CSMD3: variants seen among roughly 807,000 people sequenced by gnomAD.
The protein encoded by CSMD3 is CUB and sushi domain-containing protein 3.
In CSMD3, 177 loss-of-function variants were observed where a neutral mutation model predicts 435.2. The ratio of observed to expected loss-of-function variants is 0.41; its 90% CI spans 0.36 to 0.46. The LOEUF (loss-of-function observed/expected upper bound fraction) is 0.46. Among genes scored for constraint, CSMD3 ranks in the 20% least tolerant of loss-of-function variants. The pLI is 0.34. For missense variants in CSMD3, 4,265 were observed against 4,504.6 expected (o/e 0.95, Z 1.52); for synonymous variants, 1,656 against 1,520.5 (o/e 1.09, Z -2.07).
chr8:112,983,368 T>G (rs2085123075), intron 6 of CSMD3, among the ~76,000 whole-genome samples: 1 of 151,662 alleles, frequency 6.6e-6, no homozygotes, highest in South Asian at 2.1e-4. Flanking sequence ...TGTTCTTTAA[T>G]GCCTAAAATA....
chr8:112,889,794 G>T (rs2081728667), intron 10 of CSMD3, among the ~76,000 whole-genome samples: 2 of 151,564 alleles, frequency 1.3e-5, no homozygotes, highest in Admixed American at 1.3e-4. Flanking sequence ...TAAATCAAAT[G>T]AACTAAAATC....
intron 5 of CSMD3, among the ~76,000 whole-genome samples, chr8:113,040,743 A>C (rs1049463603): frequency 1.3e-5 from 2 of 152,156 alleles, no homozygotes; most frequent in African/African-American, 4.8e-5. Flanking sequence ...CCAAGTATTG[A>C]TATCAAATAC....
At chr8:112,316,718 A>T (rs1822509430) in intron 47 of CSMD3, among the ~76,000 whole-genome samples, 1 of 151,902 alleles carries the variant, frequency 6.6e-6, no homozygotes, top group Non-Finnish European at 1.5e-5. Context: ...AGAAAGTTTA[A>T]AGTGCTCAAA....
At chr8:112,515,250 T>C (rs1224984306) in intron 28 of CSMD3, among the ~76,000 whole-genome samples, 1 of 152,120 alleles carries the variant, frequency 6.6e-6, no homozygotes, top group Non-Finnish European at 1.5e-5. Context: ...GTAATTCTAA[T>C]AAGCAACATC....
intron 32 of CSMD3, among the ~76,000 whole-genome samples, chr8:112,421,567 A>ATG (rs1253252318): frequency 6.8e-6 from 1 of 146,262 alleles, no homozygotes; most frequent in Non-Finnish European, 1.5e-5. Context: ...TATGTTATAT[A>ATG]TATGTAATAT....
chr8:112,955,625 T>C (rs559960244), intron 7 of CSMD3, among the ~76,000 whole-genome samples: 1 of 151,958 alleles, frequency 6.6e-6, no homozygotes, highest in East Asian at 1.9e-4. Context: ...TCCTTCTATC[T>C]TACTGTATGT....
At position 112,993,761 on chromosome 8, in the gene CSMD3, T is replaced by C. The variant is rs567363404; in HGVS notation, c.1031-17613A>G. Among the ~76,000 whole-genome samples, 5 of 151,780 alleles carry C rather than the reference T, an allele frequency of 3.3e-5. No homozygotes were observed. In the East Asian group the frequency reaches 9.7e-4, roughly 30 times the overall value. Reference sequence around the variant, plus strand: ...GACCTCTTTGATACAAGTATATTTTTTAAGGCCCTAAAACACAAAAAGGGG... The same window carrying C: ...GACCTCTTTGATACAAGTATATTTTCTAAGGCCCTAAAACACAAAAAGGGG... On this transcript the variant is annotated intron_variant, in intron 6 of 70. Coordinates refer to ENST00000297405, the MANE Select transcript of CSMD3 (RefSeq NM_198123.2).
intron 6 of CSMD3, among the ~76,000 whole-genome samples, chr8:112,977,399 T>G (rs1342611293): frequency 6.6e-6 from 1 of 152,078 alleles, no homozygotes; most frequent in Non-Finnish European, 1.5e-5. Context: ...ATAACAATGC[T>G]AGGGATATTT....
intron 11 of CSMD3, 79 bp from the exon 12 acceptor site, chr8:112,829,868 G>A: frequency 1.4e-6 from 1 of 713,556 alleles, no homozygotes. Context: ...TGACAGAAAT[G>A]CATTCTTTGT....
intron 5 of CSMD3, among the ~76,000 whole-genome samples, chr8:113,064,966 A>T (rs2131378313): frequency 6.6e-6 from 1 of 152,350 alleles, no homozygotes; most frequent in Middle Eastern, 3.4e-3. Context: ...ATACTTTTAA[A>T]GAAAAACAAT....
intron 22 of CSMD3, among the ~76,000 whole-genome samples, chr8:112,624,537 T>C (rs1220904710): frequency 6.6e-6 from 1 of 152,106 alleles, no homozygotes; most frequent in Non-Finnish European, 1.5e-5. Flanking sequence ...TCTTTACATC[T>C]AGCTTTGACA....
At chr8:112,725,184 TGC>T (rs2076937669) in intron 13 of CSMD3, among the ~76,000 whole-genome samples, 1 of 151,932 alleles carries the variant, frequency 6.6e-6, no homozygotes. Flanking sequence ...AATAAATCCA[TGC>T]TTTTATAATC....
At chr8:113,094,964 G>A (rs901832248) in intron 5 of CSMD3, among the ~76,000 whole-genome samples, 4 of 151,808 alleles carry the variant, frequency 2.6e-5, no homozygotes, top group Admixed American at 6.6e-5. Context: ...CCAGCTACTC[G>A]GGAGGCTGAG....
chr8:113,203,567 T>G (rs544340004), intron 3 of CSMD3, among the ~76,000 whole-genome samples: 1 of 151,988 alleles, frequency 6.6e-6, no homozygotes, highest in Non-Finnish European at 1.5e-5. Context: ...TCAAATGCTC[T>G]CTATATATGT....
At chr8:112,351,012 A>T (rs1004288022) in intron 40 of CSMD3, among the ~76,000 whole-genome samples, 163 bp downstream of exon 40, 1 of 152,050 alleles carries the variant, frequency 6.6e-6, no homozygotes, top group African/African-American at 2.4e-5. Context: ...TATTTTCCTC[A>T]AAAAGTCATT....
chr8:112,970,974 G>C (rs531666055), intron 7 of CSMD3, among the ~76,000 whole-genome samples: 2 of 152,050 alleles, frequency 1.3e-5, no homozygotes, highest in Non-Finnish European at 2.9e-5. Flanking sequence ...ACCCGTCTCG[G>C]CCTCCCAAAG....
chr8:112,815,922 C>T (rs754757639), intron 12 of CSMD3, among the ~76,000 whole-genome samples: 4 of 152,036 alleles, frequency 2.6e-5, no homozygotes, highest in African/African-American at 9.7e-5. Flanking sequence ...GTTCCAAGAG[C>T]ATATATTTAT....
chr8:112,351,086 T>C, intron 40 of CSMD3, 89 bp downstream of exon 40: 2 of 852,642 alleles, frequency 2.3e-6, no homozygotes, highest in Non-Finnish European at 3.9e-6. Context: ...AATGAAACTT[T>C]AAAATCTGAT....
At chr8:113,139,609 A>C (rs531383083) in intron 4 of CSMD3, among the ~76,000 whole-genome samples, 2 of 151,354 alleles carry the variant, frequency 1.3e-5, no homozygotes, top group African/African-American at 4.8e-5. Flanking sequence ...GCAGTATATA[A>C]ATTTAAACAG....
Sources: allele counts gnomAD v4.1 joint callset (sites outside exome capture counted in the v4.1 genomes callset), GRCh38; gene constraint gnomAD v4.1.1; transcripts MANE v1.5; gene names NCBI Gene and HGNC (gene_info 2026-07-23, HGNC 2026-07-21).